Variants in POF1B observed in about 807,000 individuals in gnomAD.
POF1B encodes protein POF1B.
In POF1B, 53 loss-of-function variants were observed where a neutral mutation model predicts 55.3. The observed-to-expected ratio is 0.96, with a 90% CI of 0.77 to 1.20. The LOEUF (loss-of-function observed/expected upper bound fraction) is 1.20, where lower values mean the gene tolerates loss of function less well. Among genes scored for constraint, POF1B ranks in the 50% most tolerant of loss-of-function variants. The probability of loss-of-function intolerance (pLI) is 0.00; values close to 1 mark genes in which losing one functional copy is unlikely to be tolerated. For missense variants in POF1B, 478 were observed against 420.5 expected (o/e 1.14, Z -1.20); for synonymous variants, 188 against 148.3 (o/e 1.27, Z -1.95).
At chrX:85,326,446 C>T (rs1304077270) in intron 7 of POF1B, among the ~76,000 whole-genome samples, 4 of 110,245 alleles carry the variant, frequency 3.6e-5, no homozygotes, top group African/African-American at 1.3e-4. Context: ...CACTGGTCTC[C>T]CCACATATTT....
intron 5 of POF1B, among the ~76,000 whole-genome samples, chrX:85,349,501 A>G (rs1216369901): frequency 1.8e-5 from 2 of 111,244 alleles, no homozygotes; most frequent in Admixed American, 1.9e-4. Context: ...GAGTCTTTAT[A>G]GAGATAATCA....
intron 15 of POF1B, among the ~76,000 whole-genome samples, chrX:85,286,254 C>T (rs1299479892): frequency 9.1e-6 from 1 of 110,018 alleles, no homozygotes. Context: ...TATTGGAAGT[C>T]GGCAGTGATC....
chrX:85,308,840 G>A (rs983708365), intron 9 of POF1B, among the ~76,000 whole-genome samples: 2 of 110,062 alleles, frequency 1.8e-5, no homozygotes, highest in African/African-American at 6.6e-5. Context: ...AACACACCTG[G>A]TGAATTTTTG....
chrX:85,283,585 T>TTA (rs1931960945), intron 15 of POF1B, among the ~76,000 whole-genome samples: 1 of 110,221 alleles, frequency 9.1e-6, no homozygotes, highest in African/African-American at 3.3e-5. Context: ...TCAAATGTCC[T>TTA]CATATATATA....
At chrX:85,297,172 T>C (rs1258394388) in intron 15 of POF1B, among the ~76,000 whole-genome samples, 1 of 112,307 alleles carries the variant, frequency 8.9e-6, no homozygotes, top group Admixed American at 9.4e-5. Flanking sequence ...CTTTTACCTG[T>C]ATCTTGATCA....
intron 13 of POF1B, 68 bp from the exon 14 acceptor site, chrX:85,304,539 GGAGGTTAAGT>G (rs1932529294): frequency 1.5e-6 from 1 of 682,884 alleles, no homozygotes; most frequent in Non-Finnish European, 1.9e-6. Flanking sequence ...TGAGTTCCAG[GGAGGTTAAGT>G]GACACAAACT....
intron 4 of POF1B, among the ~76,000 whole-genome samples, chrX:85,353,755 C>T (rs1313995048): frequency 9.0e-6 from 1 of 111,200 alleles, no homozygotes; most frequent in African/African-American, 3.3e-5. Context: ...ATATCAAGAC[C>T]ACCTGCTCAC....
chrX:85,308,874 C>A (rs1319846956), intron 9 of POF1B, among the ~76,000 whole-genome samples: 2 of 110,288 alleles, frequency 1.8e-5, no homozygotes, highest in Non-Finnish European at 3.8e-5. Flanking sequence ...GAACGGATTT[C>A]ACTGTGTTGG....
intron 4 of POF1B, among the ~76,000 whole-genome samples, chrX:85,354,963 G>A (rs1458019339): frequency 4.5e-5 from 5 of 110,776 alleles, no homozygotes; most frequent in Admixed American, 9.6e-5. Context: ...GCTACTTTAA[G>A]GTTCATATGG....
chrX:85,375,722 C>T (rs1357710582), intron 2 of POF1B, among the ~76,000 whole-genome samples: 1 of 111,420 alleles, frequency 9.0e-6, no homozygotes, highest in Non-Finnish European at 1.9e-5. Context: ...TATCCACAAT[C>T]TTTGCAACCA....
intron 13 of POF1B, 34 bp downstream of exon 13, chrX:85,305,757 A>G: frequency 8.4e-7 from 1 of 1,193,366 alleles, no homozygotes; most frequent in Admixed American, 2.3e-5. Context: ...GTTTGTGCTG[A>G]CCTGTGTATT....
intron 6 of POF1B, among the ~76,000 whole-genome samples, chrX:85,343,702 C>A (rs761793269): frequency 9.0e-6 from 1 of 110,898 alleles, no homozygotes; most frequent in African/African-American, 3.3e-5. Context: ...TTGAGAGGAA[C>A]AGAGTTAAGA....
chrX:85,361,984 GTGTGTA>G (rs1452353711), intron 3 of POF1B, among the ~76,000 whole-genome samples: 5 of 108,524 alleles, frequency 4.6e-5, no homozygotes, highest in African/African-American at 1.7e-4. Flanking sequence ...GTGTGTGTGT[GTGTGTA>G]TGTGTGTGTG....
At chrX:85,279,698 G>T (rs1290632802) in intron 16 of POF1B, among the ~76,000 whole-genome samples, 1 of 110,917 alleles carries the variant, frequency 9.0e-6, no homozygotes, top group Non-Finnish European at 1.9e-5. Flanking sequence ...GTTTAAATAT[G>T]TCCAATTGTC....
At chrX:85,299,649 T>C (rs1396143147) in intron 15 of POF1B, among the ~76,000 whole-genome samples, 1 of 93,430 alleles carries the variant, frequency 1.1e-5, no homozygotes, top group Non-Finnish European at 2.1e-5. Context: ...GGACTACAGG[T>C]GCCCGCCACC....
intron 2 of POF1B, among the ~76,000 whole-genome samples, chrX:85,378,308 G>T (rs985029415): frequency 1.8e-5 from 2 of 111,627 alleles, no homozygotes; most frequent in South Asian, 7.4e-4. Context: ...CATAATTTCA[G>T]TTTGGACAGA....
intron 6 of POF1B, among the ~76,000 whole-genome samples, chrX:85,341,356 C>T (rs1933167441): frequency 9.1e-6 from 1 of 110,429 alleles, no homozygotes. Context: ...TGTTATATGC[C>T]TTTTACTACT....
intron 6 of POF1B, among the ~76,000 whole-genome samples, chrX:85,340,935 C>T (rs1289253509): frequency 9.1e-6 from 1 of 110,331 alleles, no homozygotes; most frequent in Non-Finnish European, 1.9e-5. Flanking sequence ...AAAAGTTGTG[C>T]GAATAAAAGA....
At chrX:85,279,665 T>C (rs1931855490) in intron 16 of POF1B, among the ~76,000 whole-genome samples, 1 of 111,158 alleles carries the variant, frequency 9.0e-6, no homozygotes, top group Admixed American at 9.6e-5. Flanking sequence ...ATTAAGTAGA[T>C]TTCCTTCTTA....
Sources: gnomAD v4.1 joint callset for allele counts (sites outside exome capture counted in the v4.1 genomes callset) on GRCh38, gnomAD v4.1.1 for gene constraint, MANE v1.5 for transcripts, NCBI Gene and HGNC (gene_info 2026-07-23, HGNC 2026-07-21) for gene names.